MSRA: variants seen among roughly 807,000 people sequenced by gnomAD.
MSRA encodes methionine sulfoxide reductase A.
A neutral mutation model predicts 31.3 loss-of-function variants in MSRA; 54 were observed. That is an observed-to-expected ratio of 1.73 (90% confidence interval 1.39 to 2.17). The LOEUF (loss-of-function observed/expected upper bound fraction) is 2.17, where lower values mean the gene tolerates loss of function less well. MSRA is among the 30% of genes most tolerant of loss of function. MSRA has a pLI of 0.00. For missense variants in MSRA, 507 were observed against 300.9 expected (o/e 1.69, Z -5.07); for synonymous variants, 169 against 116.5 (o/e 1.45, Z -2.90).
chr8:10,415,575 A>G (rs1202580955), intron 5 of MSRA, among the ~76,000 whole-genome samples: 1 of 152,108 alleles, frequency 6.6e-6, no homozygotes, highest in African/African-American at 2.4e-5. Flanking sequence ...TGCCTCCAGC[A>G]GCCTCTCCAT....
At chr8:10,357,355 T>A (rs1020834521) in intron 5 of MSRA, among the ~76,000 whole-genome samples, 2 of 152,226 alleles carry the variant, frequency 1.3e-5, no homozygotes, top group Non-Finnish European at 2.9e-5. Flanking sequence ...CTTAATGCTT[T>A]CTCTCGACCC....
intron 2 of MSRA, among the ~76,000 whole-genome samples, chr8:10,216,605 CTA>C (rs1257055414): frequency 6.6e-6 from 1 of 152,220 alleles, no homozygotes; most frequent in African/African-American, 2.4e-5. Context: ...CTGGTAACCT[CTA>C]TTCTACTTCC....
chr8:10,285,537 A>G (rs539258073), intron 3 of MSRA, among the ~76,000 whole-genome samples: 23 of 152,282 alleles, frequency 1.5e-4, no homozygotes, highest in Admixed American at 7.8e-4. Flanking sequence ...AAAATATACA[A>G]TAAATGATTG....
In MSRA at chr8:10,241,533, C is replaced by T. The variant is rs117611803; in HGVS notation, c.212-3571C>T. Reference sequence around the variant, plus strand: ...TGGATGAAGCAAGCATTTATCTTCCCTGTCCCATGTGAATTGTACCACTGA... The same window carrying T: ...TGGATGAAGCAAGCATTTATCTTCCTTGTCCCATGTGAATTGTACCACTGA... On this transcript the variant is annotated intron_variant, in intron 2 of 5. Coordinates refer to ENST00000317173, the MANE Select transcript of MSRA (RefSeq NM_012331.5). 8.1e-3 allele frequency among the ~76,000 whole-genome samples: 1,233 copies of T among 152,296 alleles called. 12 individuals are homozygous for T. The highest frequency in any genetic ancestry group is 0.046 in the South Asian group (224 of 4,828).
intron 4 of MSRA, among the ~76,000 whole-genome samples, chr8:10,308,678 C>T (rs1417241733): frequency 7.2e-5 from 11 of 152,214 alleles, no homozygotes; most frequent in Admixed American, 7.2e-4. Context: ...CCAGACTATG[C>T]CCCATCCATG....
intron 5 of MSRA, among the ~76,000 whole-genome samples, chr8:10,412,776 C>G (rs1013425040): frequency 6.6e-6 from 1 of 152,176 alleles, no homozygotes; most frequent in African/African-American, 2.4e-5. Flanking sequence ...TGATGCTACT[C>G]TACAGCAGTT....
intron 3 of MSRA, among the ~76,000 whole-genome samples, chr8:10,274,962 A>G (rs1585336671): frequency 6.6e-6 from 1 of 152,212 alleles, no homozygotes; most frequent in East Asian, 1.9e-4. Flanking sequence ...TCACTCAATT[A>G]AACTAATATT....
At chr8:10,364,081 TTAAAAACC>T (rs1279834768) in intron 5 of MSRA, among the ~76,000 whole-genome samples, 2 of 152,188 alleles carry the variant, frequency 1.3e-5, no homozygotes, top group African/African-American at 2.4e-5. Flanking sequence ...AAACGATTAT[TTAAAAACC>T]TAGAGACCCT....
chr8:10,270,880 C>T (rs951791068), intron 3 of MSRA, among the ~76,000 whole-genome samples: 16 of 152,112 alleles, frequency 1.1e-4, no homozygotes, highest in African/African-American at 1.2e-4. Context: ...GAGAGGCACC[C>T]GGACACAATG....
chr8:10,324,806 GTTGT>G (rs1209263338), intron 5 of MSRA, among the ~76,000 whole-genome samples: 3 of 152,194 alleles, frequency 2.0e-5, no homozygotes, highest in Non-Finnish European at 4.4e-5. Context: ...CTGGTAACTG[GTTGT>G]TTGAGATTTA....
chr8:10,319,767 A>G (rs974824454), intron 4 of MSRA, 116 bp from the exon 5 acceptor site: 34 of 479,858 alleles, frequency 7.1e-5, no homozygotes, highest in Non-Finnish European at 1.2e-4. Flanking sequence ...ACTTAGCAAC[A>G]CATCAGGCAC....
chr8:10,418,584 G>C (rs1188657297), intron 5 of MSRA, among the ~76,000 whole-genome samples: 1 of 152,004 alleles, frequency 6.6e-6, no homozygotes, highest in Non-Finnish European at 1.5e-5. Flanking sequence ...TGGGTAGAGT[G>C]TCCAAAGCAT....
intron 1 of MSRA, among the ~76,000 whole-genome samples, chr8:10,083,290 G>C (rs962029272): frequency 6.6e-6 from 1 of 152,128 alleles, no homozygotes; most frequent in African/African-American, 2.4e-5. Context: ...CTTTAGATTT[G>C]TTTTCTGGCT....
intron 3 of MSRA, among the ~76,000 whole-genome samples, chr8:10,265,961 T>A (rs1798726929): frequency 6.6e-6 from 1 of 152,224 alleles, no homozygotes; most frequent in Admixed American, 6.5e-5. Context: ...CTGAATGATA[T>A]TCTCTTGTAT....
chr8:10,124,937 T>C (rs1017526087), intron 1 of MSRA, among the ~76,000 whole-genome samples: 2 of 152,234 alleles, frequency 1.3e-5, no homozygotes, highest in Admixed American at 6.5e-5. Context: ...GAACATTATT[T>C]TGGAATATAA....
chr8:10,099,369 T>C (rs1799387785), intron 1 of MSRA, among the ~76,000 whole-genome samples: 1 of 152,200 alleles, frequency 6.6e-6, no homozygotes, highest in Non-Finnish European at 1.5e-5. Context: ...GGACTTGCTC[T>C]GTGCCAGGCA....
chr8:10,211,956 G>T (rs1809537795), intron 2 of MSRA, among the ~76,000 whole-genome samples: 1 of 152,062 alleles, frequency 6.6e-6, no homozygotes, highest in Admixed American at 6.6e-5. Context: ...TAATTTAAAA[G>T]GGTGGAAAAT....
chr8:10,168,139 A>C (rs923475790), intron 1 of MSRA, among the ~76,000 whole-genome samples: 2 of 152,210 alleles, frequency 1.3e-5, no homozygotes, highest in African/African-American at 2.4e-5. Context: ...TGTAAAATGG[A>C]GATAATAAAA....
At position 10,218,116 on chromosome 8, in the gene MSRA, A is replaced by T. The variant is rs561846945; in HGVS notation, c.211+10215A>T. On this transcript the variant is annotated intron_variant, in intron 2 of 5. Coordinates refer to ENST00000317173, the MANE Select transcript of MSRA (RefSeq NM_012331.5). ...GCATTTAACACCCGGTTCCTTTTCTATTTATTTATTTATTTATTTATTTAT... is the reference window on the plus strand; with the variant it reads ...GCATTTAACACCCGGTTCCTTTTCTTTTTATTTATTTATTTATTTATTTAT... Among the ~76,000 whole-genome samples, 23 of 45,300 alleles carry T rather than the reference A, an allele frequency of 5.1e-4. No individual in the cohort carries two copies. In the South Asian group the frequency reaches 8.8e-3, roughly 17 times the overall value. The allele number at this position is 45,300 out of a possible 152,430, so 29.7% of individuals were successfully genotyped here.
Sources: gnomAD v4.1 joint callset for allele counts (sites outside exome capture counted in the v4.1 genomes callset) on GRCh38, gnomAD v4.1.1 for gene constraint, MANE v1.5 for transcripts, NCBI Gene and HGNC (gene_info 2026-07-23, HGNC 2026-07-21) for gene names.